LATS1: variants seen among roughly 807,000 people sequenced by gnomAD.
LATS1 encodes large tumor suppressor kinase 1, also known as serine/threonine-protein kinase LATS1.
LATS1 carries 25 observed loss-of-function variants against 106.6 expected under a neutral mutation model. The observed-to-expected ratio is 0.23, with a 90% CI of 0.17 to 0.33. LATS1 has a LOEUF of 0.33. Among genes scored for constraint, LATS1 ranks in the 10% least tolerant of loss-of-function variants. The probability of loss-of-function intolerance (pLI) is 1.00; values close to 1 mark genes in which losing one functional copy is unlikely to be tolerated. For synonymous variants in LATS1, 465 were observed against 455.6 expected, an observed-to-expected ratio of 1.02 and a Z score of -0.26; for missense variants, 1,040 against 1,382.6, an observed-to-expected ratio of 0.75 and a Z score of 3.93.
rs962846203 is a variant in LATS1, at chr6:149,692,866, G to A, written c.496+2208C>T. ...ATTTTGTATTTTTAGTAGAGACGAG[G>A]TTTCTTCATGTTGGTCTGGCTGGTC... On this transcript the variant is annotated intron_variant, in intron 3 of 7. Coordinates refer to ENST00000543571, the MANE Select transcript of LATS1 (RefSeq NM_004690.4). Among the ~76,000 whole-genome samples the A allele has an allele frequency of 3.9e-5, 6 of 151,948 alleles. No homozygotes were observed. The East Asian group carries it at 7.9e-4, about 20-fold the overall frequency.
chr6:149,683,840 G>C lies in LATS1; in HGVS notation c.1249C>G (p.His417Asp), dbSNP rs748618436. ...CTAATGTTATATAGTTCCATGTTATGACTATTTCTGTTTGGCACCATCATA... is the reference window on the plus strand; with the variant it reads ...CTAATGTTATATAGTTCCATGTTATCACTATTTCTGTTTGGCACCATCATA... Reference protein sequence around the residue: ...QSMMVPNRNSHNMELYNISVP... With the variant: ...QSMMVPNRNSDNMELYNISVP... The change falls in exon 4 of 8, where the codon CAT becomes GAT. Residue 417 changes from histidine to aspartate, a missense_variant. Coordinates refer to ENST00000543571, the MANE Select transcript of LATS1 (RefSeq NM_004690.4). The C allele has an allele frequency of 6.2e-7, 1 of 1,614,034 alleles. No homozygotes were observed. The highest frequency in any genetic ancestry group is 8.5e-7 in the Non-Finnish European group (1 of 1,180,032).
At chr6:149,668,400 C>T (rs759314091) in intron 7 of LATS1, among the ~76,000 whole-genome samples, 1 of 151,114 alleles carries the variant, frequency 6.6e-6, no homozygotes, top group Non-Finnish European at 1.5e-5. Flanking sequence ...AAGGAAAACG[C>T]TAAATATCCA....
intron 1 of LATS1, among the ~76,000 whole-genome samples, chr6:149,714,846 G>C (rs146119323): frequency 1.3e-5 from 2 of 152,056 alleles, no homozygotes; most frequent in East Asian, 3.8e-4. Flanking sequence ...TGTGACAGAC[G>C]AAAATGGTAT....
intron 3 of LATS1, among the ~76,000 whole-genome samples, chr6:149,693,200 T>C (rs1582896231): frequency 6.6e-6 from 1 of 150,554 alleles, no homozygotes; most frequent in Admixed American, 6.6e-5. Flanking sequence ...GAGGCGGAGG[T>C]TGGGAGGTGG....
intron 4 of LATS1, among the ~76,000 whole-genome samples, chr6:149,681,941 C>T (rs891466120): frequency 7.2e-5 from 11 of 151,994 alleles, no homozygotes; most frequent in East Asian, 1.9e-4. Flanking sequence ...GGTGAAACCC[C>T]GCCTCTACTA....
chr6:149,690,978 A>G (rs986412387), intron 3 of LATS1, among the ~76,000 whole-genome samples: 3 of 152,136 alleles, frequency 2.0e-5, no homozygotes, highest in Non-Finnish European at 1.5e-5. Flanking sequence ...TCTCCTCCAG[A>G]AACACTTCTT....
At chr6:149,690,266 T>A (rs1368464028) in intron 3 of LATS1, among the ~76,000 whole-genome samples, 1 of 148,352 alleles carries the variant, frequency 6.7e-6, no homozygotes, top group African/African-American at 2.5e-5. Flanking sequence ...CAGGCTGGAG[T>A]GCAATGGCGC....
chr6:149,677,342 A>G (rs1320592412), intron 5 of LATS1, among the ~76,000 whole-genome samples: 2 of 152,252 alleles, frequency 1.3e-5, no homozygotes, highest in Admixed American at 1.3e-4. Flanking sequence ...TATTCCACAC[A>G]GAAATAACAG....
chr6:149,683,954 T>G lies in LATS1; in HGVS notation c.1135A>C (p.Thr379Pro). The change falls in exon 4 of 8, where the codon ACA becomes CCA. Residue 379 changes from threonine (T) to proline (P), a missense_variant. Thr to Pro is a conservative substitution (Grantham distance 38). Transcript: ENST00000543571. ...NRQPPPPYPL[T>P]AANGQSPSAL... Reference sequence around the variant, plus strand: ...GAAGGGCTTTGTCCATTAGCTGCTGTCAGAGGATATGGAGGTGGTGGCTGC... The same window carrying G: ...GAAGGGCTTTGTCCATTAGCTGCTGGCAGAGGATATGGAGGTGGTGGCTGC... The G allele has an allele frequency of 1.9e-6, 3 of 1,614,240 alleles. No homozygotes were observed. The highest frequency in any genetic ancestry group is 2.5e-6 in the Non-Finnish European group (3 of 1,180,044).
chr6:149,702,182 A>G lies in LATS1; in HGVS notation c.-56T>C. Reference sequence around the variant, plus strand: ...GGACTTCTTTATTTGATAGATCCAGAGCTTTCTTCTGAGCAAAAGTGAAAA... The same window carrying G: ...GGACTTCTTTATTTGATAGATCCAGGGCTTTCTTCTGAGCAAAAGTGAAAA... On this transcript the variant is annotated 5_prime_UTR_variant, in exon 2 of 8. Transcript: ENST00000543571. The G allele has an allele frequency of 6.7e-6, 8 of 1,196,312 alleles. No homozygotes were observed. The South Asian group carries it at 1.2e-4, about 17-fold the overall frequency. The allele number at this position is 1,196,312 out of a possible 1,614,324, so 74.1% of individuals were successfully genotyped here. A position where few individuals can be genotyped will look rare whatever the true frequency, so the allele number is the denominator to read the frequency against.
intron 7 of LATS1, 89 bp downstream of exon 7, chr6:149,676,171 C>A: frequency 1.1e-6 from 1 of 897,894 alleles, no homozygotes; most frequent in Non-Finnish European, 1.8e-6. Context: ...TCTTTAACTC[C>A]AGACTAAAAT....
At chr6:149,664,530 C>T (rs1781043111) in intron 7 of LATS1, among the ~76,000 whole-genome samples, 1 of 152,082 alleles carries the variant, frequency 6.6e-6, no homozygotes, top group African/African-American at 2.4e-5. Flanking sequence ...CTAAAAGCAA[C>T]CAGAGAGGTC....
intron 1 of LATS1, among the ~76,000 whole-genome samples, chr6:149,703,286 A>G (rs916806706): frequency 6.6e-6 from 1 of 152,172 alleles, no homozygotes; most frequent in South Asian, 2.1e-4. Context: ...CTTTAAAAAG[A>G]TTTTTAAACC....
In LATS1 at chr6:149,695,181, C is replaced by T; in HGVS notation, c.389G>A (p.Ser130Asn). 6.2e-7 allele frequency: 1 copy of T among 1,610,178 alleles called. No individual in the cohort carries two copies. Among genetic ancestry groups the T allele is most frequent in the Non-Finnish European group, 8.5e-7 (1 of 1,177,016 alleles). ...AATGAATTCAATTGCTGCTTCTATA[C>T]TTCTGTTGTTAGTTTTCTGAAGAGC... Reference protein sequence around the residue: ...IQALQKTNNRSIEAAIEFISK... With the variant: ...IQALQKTNNRNIEAAIEFISK... Residue 130 changes from serine (S) to asparagine (N), a missense_variant, in exon 3 of 8, where the codon AGT becomes AAT. Physicochemically the swap from Ser to Asn is conservative, Grantham distance 46. Around this residue, in one of 7 missense-constraint regions of LATS1, gnomAD observed 624 missense variants for 714.8 expected, o/e 0.87. Coordinates refer to ENST00000543571, the MANE Select transcript of LATS1 (RefSeq NM_004690.4).
intron 4 of LATS1, among the ~76,000 whole-genome samples, chr6:149,682,659 C>CT (rs1205751447): frequency 1.3e-5 from 2 of 152,112 alleles, no homozygotes; most frequent in African/African-American, 4.8e-5. Context: ...CATGATCTGC[C>CT]TGCCTCAGCC....
At chr6:149,662,747 A>T (rs766791236) in intron 7 of LATS1, among the ~76,000 whole-genome samples, 2 of 151,988 alleles carry the variant, frequency 1.3e-5, no homozygotes, top group Non-Finnish European at 2.9e-5. Flanking sequence ...GGACTGCTTG[A>T]AGCCGGGAAG....
At position 149,662,105 on chromosome 6, in the gene LATS1, G is replaced by T; in HGVS notation, c.3017C>A (p.Ala1006Asp). The change falls in exon 8 of 8, where the codon GCT (alanine) becomes GAT (aspartate). Residue 1006 changes from alanine (A) to aspartate (D), a missense_variant. Ala to Asp is a moderately radical substitution (Grantham distance 126). Around this residue, in one of 7 missense-constraint regions of LATS1, gnomAD observed 113 missense variants for 146.3 expected, o/e 0.77. Transcript: ENST00000543571. ...LGKNGADEIK[A>D]HPFFKTIDFS... Reference sequence around the variant, plus strand: ...GTCAATTGTTTTAAAAAATGGATGAGCTTTTATTTCATCAGCACCATTCTT... The same window carrying T: ...GTCAATTGTTTTAAAAAATGGATGATCTTTTATTTCATCAGCACCATTCTT... 1 of 1,614,112 alleles carries T rather than the reference G, an allele frequency of 6.2e-7. No homozygotes were observed. The highest frequency in any genetic ancestry group is 2.2e-5 in the East Asian group (1 of 44,874).
chr6:149,671,748 T>C (rs1291188237), intron 7 of LATS1, among the ~76,000 whole-genome samples: 1 of 152,000 alleles, frequency 6.6e-6, no homozygotes, highest in Non-Finnish European at 1.5e-5. Flanking sequence ...GACTCACCTA[T>C]ATCTACAAAA....
chr6:149,716,750 T>C (rs561349052), intron 1 of LATS1, among the ~76,000 whole-genome samples: 8 of 152,292 alleles, frequency 5.3e-5, no homozygotes, highest in African/African-American at 1.4e-4. Context: ...TAGCAGCCAA[T>C]TGGACTAACA....
Sources: gnomAD v4.1 joint callset for allele counts (sites outside exome capture counted in the v4.1 genomes callset) on GRCh38, gnomAD v4.1.1 for gene constraint, gnomAD v4.1.1 regional missense constraint, MANE v1.5 for transcripts, NCBI Gene and HGNC (gene_info 2026-07-23, HGNC 2026-07-21) for gene names.